The following MTTP variants were observed in gnomAD, a reference collection of about 807,000 sequenced individuals.
MTTP encodes microsomal triglyceride transfer protein.
In MTTP, 49 loss-of-function variants were observed where a neutral mutation model predicts 90.6. That is an observed-to-expected ratio of 0.54 (90% CI 0.43 to 0.69). MTTP has a LOEUF of 0.69. Among genes scored for constraint, MTTP ranks in the 30% least tolerant of loss-of-function variants. The pLI, the probability that MTTP is intolerant of heterozygous loss-of-function variation, is 0.00. For synonymous variants in MTTP, 347 were observed against 384.2 expected (o/e 0.90, Z 1.13); for missense variants, 945 against 1,067.5 (o/e 0.89, Z 1.60).
intron 2 of MTTP, 78 bp from the exon 3 acceptor site, chr4:99,583,296 T>C: frequency 6.7e-7 from 1 of 1,496,746 alleles, no homozygotes; most frequent in Non-Finnish European, 9.1e-7. Context: ...TGTTTCTTTA[T>C]CATTTTATTT....
Position 99,622,661 on chromosome 4 carries a change from T to C in MTTP, c.2514-16T>C, listed in dbSNP as rs760283932. The stretch of plus-strand genomic sequence containing the variant: ...ACTGTGTGTGTAATTCTGTTATTGT[T>C]GCTGTTGTTGTACAGGCAATTTGAG... On this transcript the variant is annotated splice_polypyrimidine_tract_variant and intron_variant, in intron 17 of 17. Coordinates refer to ENST00000265517, the MANE Select transcript of MTTP (RefSeq NM_001386140.1). The C allele has an allele frequency of 6.2e-7, 1 of 1,613,444 alleles. No individual in the cohort carries two copies. Among genetic ancestry groups the C allele is most frequent in the Non-Finnish European group, 8.5e-7 (1 of 1,179,432 alleles).
chr4:99,596,925 T>A, intron 7 of MTTP, 142 bp from the exon 8 acceptor site: 1 of 971,532 alleles, frequency 1.0e-6, no homozygotes, highest in Non-Finnish European at 1.6e-6. Flanking sequence ...GGCAGGGAAC[T>A]GTCATGTGTA....
Position 99,622,945 on chromosome 4 carries a change from A to G in MTTP, c.*97A>G. ...CTCTCTGAGAGCACAGCGTTTACATATTTACCTGTATTTAAGATTTTTGTA... is the reference window on the plus strand; with the variant it reads ...CTCTCTGAGAGCACAGCGTTTACATGTTTACCTGTATTTAAGATTTTTGTA... On this transcript the variant is annotated 3_prime_UTR_variant, in exon 18 of 18. Coordinates refer to ENST00000265517, the MANE Select transcript of MTTP (RefSeq NM_001386140.1). 7.3e-7 allele frequency: 1 copy of G among 1,378,750 alleles called. No individual in the cohort carries two copies. The highest frequency in any genetic ancestry group is 1.7e-5 in the Admixed American group (1 of 59,140). 85.4% of individuals were successfully genotyped at this position (1,378,750 alleles called of 1,614,324 possible). A position where few individuals can be genotyped will look rare whatever the true frequency, so the allele number is the denominator to read the frequency against.
chr4:99,621,827 T>G (rs1048996212), intron 17 of MTTP, among the ~76,000 whole-genome samples: 1 of 152,220 alleles, frequency 6.6e-6, no homozygotes, highest in African/African-American at 2.4e-5. Context: ...TCATTTGAAT[T>G]TTGTAACCAT....
At chr4:99,605,988 T>A (rs937788120) in intron 10 of MTTP, among the ~76,000 whole-genome samples, 4 of 151,994 alleles carry the variant, frequency 2.6e-5, no homozygotes, top group African/African-American at 7.3e-5. Flanking sequence ...TTTTAAAAAA[T>A]TTTTCAGCCT....
Position 99,583,356 on chromosome 4 carries a change from T to A in MTTP, c.250-18T>A, listed in dbSNP as rs1482153390. ...ATATAGGAAGTTTTTTTTAACAGCT[T>A]TCTTTCTGTTACTCCAGATGAAGGA... On this transcript the variant is annotated intron_variant, in intron 2 of 17. Coordinates refer to ENST00000265517, the MANE Select transcript of MTTP (RefSeq NM_001386140.1). The A allele has an allele frequency of 6.2e-7, 1 of 1,612,342 alleles. No individual in the cohort carries two copies. The highest frequency in any genetic ancestry group is 2.2e-5 in the East Asian group (1 of 44,834).
chr4:99,592,483 C>A (rs1725453989), intron 6 of MTTP, among the ~76,000 whole-genome samples: 1 of 151,812 alleles, frequency 6.6e-6, no homozygotes, highest in African/African-American at 2.4e-5. Flanking sequence ...AATATTTTTT[C>A]TTTAAATCTT....
At chr4:99,617,419 CT>C (rs977627545) in intron 15 of MTTP, among the ~76,000 whole-genome samples, 12 of 151,966 alleles carry the variant, frequency 7.9e-5, no homozygotes, top group African/African-American at 2.9e-4. Context: ...TTCCTGTGAC[CT>C]TTTTTTGGAA....
rs1301969830 is a variant in MTTP, at chr4:99,619,031, A to G, written c.2275A>G (p.Ile759Val). The part of the protein sequence containing the change: ...ANIEVQGGLA[I>V]DISGAMEFSL... Reference sequence around the variant, plus strand: ...TATAGAGGTCCAGGGTGGTCTAGCTATTGATATTTCAGGTGCAATGGAGTT... The same window carrying G: ...TATAGAGGTCCAGGGTGGTCTAGCTGTTGATATTTCAGGTGCAATGGAGTT... The change falls in exon 16 of 18, where the codon ATT becomes GTT. Residue 759 changes from isoleucine to valine, a missense_variant. By Grantham distance (29) the Ile-to-Val change is conservative. Coordinates refer to ENST00000265517, the MANE Select transcript of MTTP (RefSeq NM_001386140.1). 4.3e-6 allele frequency: 7 copies of G among 1,613,554 alleles called. No individual in the cohort carries two copies. In the Admixed American group the frequency reaches 1.0e-4, roughly 23 times the overall value.
At chr4:99,565,818 A>G (rs1275848674) in intron 1 of MTTP, among the ~76,000 whole-genome samples, 1 of 152,206 alleles carries the variant, frequency 6.6e-6, no homozygotes, top group African/African-American at 2.4e-5. Flanking sequence ...AAGAAGTTTA[A>G]GATATTGGGA....
chr4:99,617,186 G>A (rs1394061390), intron 15 of MTTP, among the ~76,000 whole-genome samples: 1 of 152,188 alleles, frequency 6.6e-6, no homozygotes, highest in Non-Finnish European at 1.5e-5. Flanking sequence ...CATCACATTA[G>A]TTATAATGCC....
Position 99,594,831 on chromosome 4 carries a change from C to A in MTTP, c.857C>A (p.Ala286Asp). Reference protein sequence around the residue: ...IIKAVDSKYTAIPIVGQVFQS... With the variant: ...IIKAVDSKYTDIPIVGQVFQS... ...AAAGCAGTTGATTCAAAGTACACGG[C>A]CATTCCCATTGTGGGGCAGGTCTTC... The change falls in exon 7 of 18, where the codon GCC (alanine) becomes GAC (aspartate). Residue 286 changes from alanine to aspartate, a missense_variant. Physicochemically the swap from Ala to Asp is moderately radical, Grantham distance 126. Transcript: ENST00000265517. 2 of 1,614,034 alleles carry A rather than the reference C, an allele frequency of 1.2e-6. No homozygotes were observed. The highest frequency in any genetic ancestry group is 2.2e-5 in the South Asian group (2 of 91,082).
chr4:99,615,540 C>T (rs115241136), intron 15 of MTTP, among the ~76,000 whole-genome samples: 6,542 of 152,288 alleles, frequency 0.043, 153 homozygotes, highest in Non-Finnish European at 0.056. Flanking sequence ...ACAAATTAAG[C>T]TGTCTGAGGC....
intron 10 of MTTP, among the ~76,000 whole-genome samples, chr4:99,604,231 A>G (rs1725761843): frequency 1.3e-5 from 2 of 152,198 alleles, no homozygotes; most frequent in Non-Finnish European, 2.9e-5. Flanking sequence ...CATGCTGTGT[A>G]AAAGGAACCT....
At position 99,591,703 on chromosome 4, in the gene MTTP, AC is replaced by A. The variant is rs1369425792; in HGVS notation, c.672del (p.Asp224GlufsTer5). On this transcript the variant is annotated frameshift_variant, in exon 6 of 18. Transcript: ENST00000265517. LOFTEE classifies it high-confidence loss of function. ...TCTGTCACCACCTATAAGATAGAAGACAGCTTTGTTATAGCTGTGCTTGCTG... is the reference window on the plus strand; with the variant it reads ...TCTGTCACCACCTATAAGATAGAAGAAGCTTTGTTATAGCTGTGCTTGCTG... ...ATSVTTYKIE[D>X]SFVIAVLAEE... 6.2e-7 allele frequency: 1 copy of A among 1,613,052 alleles called. No individual in the cohort carries two copies. Among genetic ancestry groups the A allele is most frequent in the African/African-American group, 1.3e-5 (1 of 74,922 alleles).
At chr4:99,620,811 C>G in intron 16 of MTTP, 1 of 531,490 alleles carries the variant, frequency 1.9e-6, no homozygotes, top group East Asian at 3.3e-5. Context: ...TACAGACACT[C>G]CCCACATCTG....
chr4:99,583,336 G>A (rs765633758), intron 2 of MTTP, 38 bp from the exon 3 acceptor site: 1 of 1,608,374 alleles, frequency 6.2e-7, no homozygotes, highest in Non-Finnish European at 8.5e-7. Context: ...GACAGATATA[G>A]GAAGTTTTTT....
In MTTP at chr4:99,574,888, C is replaced by A. The variant is rs749409540; in HGVS notation, c.-22C>A. 6.2e-7 allele frequency: 1 copy of A among 1,614,094 alleles called. No homozygotes were observed. Among genetic ancestry groups the A allele is most frequent in the Non-Finnish European group, 8.5e-7 (1 of 1,179,934 alleles). On this transcript the variant is annotated 5_prime_UTR_variant, in exon 1 of 18. Transcript: ENST00000265517. ...GTGACTCCTAGCTGGGCACTGGATGCAGTTGAGGATTGCTGGTCAATATGA... is the reference window on the plus strand; with the variant it reads ...GTGACTCCTAGCTGGGCACTGGATGAAGTTGAGGATTGCTGGTCAATATGA...
chr4:99,589,198 A>G (rs17598940), intron 3 of MTTP, among the ~76,000 whole-genome samples: 2,930 of 149,646 alleles, frequency 0.02, 57 homozygotes, highest in South Asian at 0.073. Flanking sequence ...AGGCTGTGCC[A>G]TCTCAGGAAT....
Sources: gnomAD v4.1 joint callset for allele counts (sites outside exome capture counted in the v4.1 genomes callset) on GRCh38, gnomAD v4.1.1 for gene constraint, MANE v1.5 for transcripts, NCBI Gene and HGNC (gene_info 2026-07-23, HGNC 2026-07-21) for gene names.